Variants in CAMK2B observed in about 807,000 individuals in gnomAD.
The protein encoded by CAMK2B is calcium/calmodulin-dependent protein kinase type II subunit beta.
CAMK2B carries 27 observed loss-of-function variants against 93.7 expected under a neutral mutation model. That is an observed-to-expected ratio of 0.29 (90% CI 0.21 to 0.40). CAMK2B has a LOEUF of 0.40. Among genes scored for constraint, CAMK2B ranks in the 10% least tolerant of loss-of-function variants. The probability of loss-of-function intolerance (pLI) is 1.00; values close to 1 mark genes in which losing one functional copy is unlikely to be tolerated. For synonymous variants in CAMK2B, 374 were observed against 358.8 expected, an observed-to-expected ratio of 1.04 and a Z score of -0.48; for missense variants, 568 against 895.8, an observed-to-expected ratio of 0.63 and a Z score of 4.67.
intron 1 of CAMK2B, among the ~76,000 whole-genome samples, chr7:44,298,659 A>T (rs1003247757): frequency 1.3e-5 from 2 of 152,228 alleles, no homozygotes; most frequent in African/African-American, 4.8e-5. Flanking sequence ...AATATAGGAG[A>T]ACTACTAAAC....
chr7:44,324,391 G>A (rs1050088796), intron 1 of CAMK2B, among the ~76,000 whole-genome samples: 7 of 140,616 alleles, frequency 5.0e-5, no homozygotes, highest in African/African-American at 1.9e-4. Context: ...GGGATGCCAG[G>A]TGCAGCCACC....
chr7:44,322,039 G>T (rs542182657), intron 1 of CAMK2B, among the ~76,000 whole-genome samples: 60 of 152,354 alleles, frequency 3.9e-4, no homozygotes, highest in African/African-American at 1.3e-3. Flanking sequence ...GGCCCGGGCC[G>T]TGACGGTGCT....
At chr7:44,320,276 T>C (rs753691022) in intron 1 of CAMK2B, among the ~76,000 whole-genome samples, 2 of 152,166 alleles carry the variant, frequency 1.3e-5, no homozygotes, top group Non-Finnish European at 2.9e-5. Context: ...AAATACATCA[T>C]GGTGAGCAGC....
At chr7:44,249,090 C>T (rs1283325503) in intron 5 of CAMK2B, among the ~76,000 whole-genome samples, 2 of 152,280 alleles carry the variant, frequency 1.3e-5, no homozygotes, top group South Asian at 2.1e-4. Flanking sequence ...GGGCTGTGTC[C>T]CTGAAGTCAG....
intron 4 of CAMK2B, among the ~76,000 whole-genome samples, chr7:44,258,021 G>A (rs2129022677): frequency 1.3e-5 from 2 of 152,380 alleles, no homozygotes; most frequent in Admixed American, 1.3e-4. Flanking sequence ...AAGGCCTATG[G>A]GCCCTTGCCC....
At chr7:44,238,542 G>C (rs1478281507) in intron 13 of CAMK2B, among the ~76,000 whole-genome samples, 1 of 152,210 alleles carries the variant, frequency 6.6e-6, no homozygotes, top group Non-Finnish European at 1.5e-5. Flanking sequence ...GGGCTCATGG[G>C]AGGAGAATAG....
intron 1 of CAMK2B, among the ~76,000 whole-genome samples, chr7:44,295,786 C>T (rs1456077664): frequency 6.6e-6 from 1 of 152,208 alleles, no homozygotes; most frequent in East Asian, 1.9e-4. Context: ...CCTGCTGGGG[C>T]TTTATCAGAG....
intron 1 of CAMK2B, among the ~76,000 whole-genome samples, chr7:44,294,600 T>C (rs946662670): frequency 6.6e-6 from 1 of 152,204 alleles, no homozygotes; most frequent in African/African-American, 2.4e-5. Flanking sequence ...GTCAACAGGC[T>C]ACCTCCTGGC....
At chr7:44,300,020 C>CTGTGTGTGTGTG (rs143590426) in intron 1 of CAMK2B, among the ~76,000 whole-genome samples, 45 of 141,708 alleles carry the variant, frequency 3.2e-4, no homozygotes, top group African/African-American at 1.0e-3. Flanking sequence ...GTGTATGTGT[C>CTGTGTGTGTGTG]TGTGTGTGTG....
chr7:44,284,352 A>G (rs1412685204), intron 1 of CAMK2B, 127 bp from the exon 2 acceptor site: 2 of 692,534 alleles, frequency 2.9e-6, no homozygotes, highest in Non-Finnish European at 4.9e-6. Flanking sequence ...CCTCGGGCAG[A>G]TGGCTGTGAG....
chr7:44,220,173 G>A lies in CAMK2B; in HGVS notation c.1890C>T (p.Gly630=). ...IRLTQYIDGQ[G]RPRTSQSEET... ...CCTCAGACTGGCTGGTGCGGGGCCG[G>A]CCCTGCCCGTCAATGTACTGCGTGA... Residue 630 remains glycine, a synonymous_variant, in exon 23 of 24, where the codon GGC becomes GGT. Coordinates refer to ENST00000395749, the MANE Select transcript of CAMK2B (RefSeq NM_001220.5). The A allele has an allele frequency of 6.2e-7, 1 of 1,612,088 alleles. No homozygotes were observed.
intron 19 of CAMK2B, among the ~76,000 whole-genome samples, chr7:44,227,034 T>C (rs1371575755): frequency 1.1e-3 from 1 of 948 alleles, no homozygotes; most frequent in East Asian, 9.1e-3. Flanking sequence ...GAGGGGGGTG[T>C]GGAAGACAGA....
intron 6 of CAMK2B, among the ~76,000 whole-genome samples, chr7:44,244,238 C>T (rs750385486): frequency 7.9e-5 from 12 of 152,198 alleles, no homozygotes; most frequent in Non-Finnish European, 1.2e-4. Flanking sequence ...CAGGCCCTGA[C>T]ACAGAGAGCA....
chr7:44,242,875 A>G (rs2096694663), intron 8 of CAMK2B, among the ~76,000 whole-genome samples: 1 of 152,124 alleles, frequency 6.6e-6, no homozygotes, highest in African/African-American at 2.4e-5. Context: ...GATGAGGGTG[A>G]TGTCAAGCCC....
At chr7:44,313,506 G>A (rs1001046768) in intron 1 of CAMK2B, among the ~76,000 whole-genome samples, 9 of 151,724 alleles carry the variant, frequency 5.9e-5, no homozygotes, top group South Asian at 2.1e-4. Flanking sequence ...GTCCCAGAAC[G>A]TGAGGTGAGG....
At chr7:44,284,269 A>C in intron 1 of CAMK2B, 44 bp from the exon 2 acceptor site, 1 of 1,364,602 alleles carries the variant, frequency 7.3e-7, no homozygotes, top group Non-Finnish European at 1.0e-6. Context: ...ACAGAGACAG[A>C]CAAGGAGAAA....
intron 2 of CAMK2B, among the ~76,000 whole-genome samples, chr7:44,269,651 C>T (rs1056003363): frequency 2.0e-5 from 3 of 152,154 alleles, no homozygotes; most frequent in Non-Finnish European, 4.4e-5. Context: ...AACAGCAGAG[C>T]TGGCACCTCC....
rs1193889912 is a variant in CAMK2B, at chr7:44,219,336, G to A, written c.*189C>T. ...GTCAATTTTTTTTGTGGTTGTCGTC[G>A]TCATCTTGTTTTTTTTTTTTTTTTT... On this transcript the variant is annotated 3_prime_UTR_variant, in exon 24 of 24. Coordinates refer to ENST00000395749, the MANE Select transcript of CAMK2B (RefSeq NM_001220.5). 1.2e-4 allele frequency: 9 copies of A among 76,738 alleles called. No individual in the cohort carries two copies. The highest frequency in any genetic ancestry group is 4.5e-4 in the African/African-American group (9 of 20,018). The allele number at this position is 76,738 out of a possible 1,614,324, so 4.8% of individuals were successfully genotyped here.
At chr7:44,318,230 G>T (rs1234150762) in intron 1 of CAMK2B, among the ~76,000 whole-genome samples, 1 of 152,194 alleles carries the variant, frequency 6.6e-6, no homozygotes, top group Non-Finnish European at 1.5e-5. Context: ...AAGCCTCTTG[G>T]AGTCAAGCTC....
Sources: gnomAD v4.1 joint callset for allele counts (sites outside exome capture counted in the v4.1 genomes callset) on GRCh38, gnomAD v4.1.1 for gene constraint, MANE v1.5 for transcripts, NCBI Gene and HGNC (gene_info 2026-07-23, HGNC 2026-07-21) for gene names.